Variants in ARFGAP3 observed in about 807,000 individuals in gnomAD.
The protein encoded by ARFGAP3 is ADP-ribosylation factor GTPase-activating protein 3.
In ARFGAP3, 72 loss-of-function variants were observed where a neutral mutation model predicts 75.0. That is an observed-to-expected ratio of 0.96 (90% CI 0.79 to 1.17). The LOEUF (loss-of-function observed/expected upper bound fraction) is 1.17. Ranked by LOEUF, ARFGAP3 falls within the 50% of genes most tolerant of loss-of-function variation. ARFGAP3 has a pLI of 0.00. For synonymous variants in ARFGAP3, 221 were observed against 217.9 expected (o/e 1.01, Z -0.13); for missense variants, 620 against 626.6 (o/e 0.99, Z 0.11).
chr22:42,812,619 G>A (rs376365774), intron 11 of ARFGAP3, among the ~76,000 whole-genome samples: 1 of 152,168 alleles, frequency 6.6e-6, no homozygotes, highest in Non-Finnish European at 1.5e-5. Flanking sequence ...AGATCTGGGT[G>A]GGGGAAATGC....
chr22:42,845,637 A>G (rs910224719), intron 2 of ARFGAP3, among the ~76,000 whole-genome samples: 2 of 152,172 alleles, frequency 1.3e-5, no homozygotes, highest in African/African-American at 4.8e-5. Flanking sequence ...AGGTATCCGC[A>G]TACAAAAGAA....
intron 1 of ARFGAP3, among the ~76,000 whole-genome samples, chr22:42,851,455 GA>G (rs1024106362): frequency 1.4e-4 from 22 of 152,210 alleles, no homozygotes; most frequent in South Asian, 8.3e-4. Context: ...GTAGCCCCAT[GA>G]GGGGGGGGCC....
intron 2 of ARFGAP3, among the ~76,000 whole-genome samples, chr22:42,844,595 A>T (rs1411687567): frequency 1.0e-5 from 1 of 98,948 alleles, no homozygotes; most frequent in Non-Finnish European, 1.9e-5. Context: ...AAAGGAAAAA[A>T]AAAAAAAAAA....
intron 11 of ARFGAP3, among the ~76,000 whole-genome samples, chr22:42,812,553 A>G (rs897806583): frequency 1.3e-5 from 2 of 152,194 alleles, no homozygotes. Flanking sequence ...AAAGGCCAAT[A>G]TAAGAGGGAA....
At position 42,831,640 on chromosome 22, in the gene ARFGAP3, A is replaced by C. The variant is rs1379619846; in HGVS notation, c.478-4T>G. 11 of 1,613,986 alleles carry C rather than the reference A, an allele frequency of 6.8e-6. No individual in the cohort carries two copies. Among genetic ancestry groups the C allele is most frequent in the Middle Eastern group, 1.6e-4 (1 of 6,084 alleles). On this transcript the variant is annotated splice_polypyrimidine_tract_variant and splice_region_variant and intron_variant, in intron 5 of 15. Transcript: ENST00000263245. ...ATGCCCACGCTGTGTCACTCACCTG[A>C]AACAAGGCGAGAAAAGTCATTAGCA...
intron 9 of ARFGAP3, among the ~76,000 whole-genome samples, chr22:42,820,178 G>A (rs1925749811): frequency 6.6e-6 from 1 of 152,184 alleles, no homozygotes; most frequent in African/African-American, 2.4e-5. Context: ...TCAAGCATGA[G>A]TAATCTGGAC....
intron 1 of ARFGAP3, among the ~76,000 whole-genome samples, chr22:42,850,908 CT>C (rs1182322189): frequency 6.6e-6 from 1 of 152,200 alleles, no homozygotes; most frequent in East Asian, 1.9e-4. Context: ...TAGCTGAACG[CT>C]TATTGGTGCT....
At chr22:42,827,052 C>G (rs1251549750) in intron 6 of ARFGAP3, 53 bp from the exon 7 acceptor site, 1 of 1,600,544 alleles carries the variant, frequency 6.2e-7, no homozygotes, top group Non-Finnish European at 8.5e-7. Context: ...AGCTAACTTG[C>G]TTTTGAATAT....
intron 3 of ARFGAP3, among the ~76,000 whole-genome samples, chr22:42,838,399 GTGATCCTCCCACCTCAGCCTCC>G (rs1243467450): frequency 6.6e-6 from 1 of 151,070 alleles, no homozygotes; most frequent in East Asian, 2.0e-4. Flanking sequence ...CTGGGCTCAA[GTGATCCTCCCACCTCAGCCTCC>G]TGAGTAGCTG....
chr22:42,802,521 C>T (rs1252009667), intron 14 of ARFGAP3, among the ~76,000 whole-genome samples: 2 of 151,414 alleles, frequency 1.3e-5, no homozygotes, highest in Non-Finnish European at 2.9e-5. Flanking sequence ...TCTCAATCTC[C>T]TGACCTTGTG....
chr22:42,842,339 G>A (rs1174173796), intron 2 of ARFGAP3, among the ~76,000 whole-genome samples: 1 of 139,522 alleles, frequency 7.2e-6, no homozygotes, highest in African/African-American at 2.7e-5. Context: ...ATAGAGATAG[G>A]GTCTTGTTAT....
rs113064321 is a variant in ARFGAP3, at chr22:42,840,598, A to AT, written c.261+345dup. Among the ~76,000 whole-genome samples the AT allele has an allele frequency of 7.8e-3, 1,142 of 147,096 alleles. 19 individuals are homozygous for AT. Among genetic ancestry groups the AT allele is most frequent in the African/African-American group, 0.027 (1,093 of 39,962 alleles). On this transcript the variant is annotated intron_variant, in intron 3 of 15. Transcript: ENST00000263245. ...TACCCAGCTAATTTTTGTTATTATT[A>AT]TTTTTTTTTTAGTAGAGATGGGGTT...
chr22:42,841,132 G>C (rs1926763338), intron 2 of ARFGAP3, 116 bp from the exon 3 acceptor site: 12 of 1,467,800 alleles, frequency 8.2e-6, no homozygotes, highest in Non-Finnish European at 9.9e-6. Flanking sequence ...TTCTAAGTTT[G>C]TGTCAACAAG....
chr22:42,854,549 T>A (rs903887186), intron 1 of ARFGAP3, among the ~76,000 whole-genome samples: 1 of 151,686 alleles, frequency 6.6e-6, no homozygotes, highest in African/African-American at 2.4e-5. Context: ...CGCTTGAACC[T>A]GGGAGGAGGA....
intron 14 of ARFGAP3, among the ~76,000 whole-genome samples, chr22:42,806,068 G>A (rs558189632): frequency 1.3e-5 from 2 of 152,352 alleles, no homozygotes; most frequent in African/African-American, 4.8e-5. Flanking sequence ...CTCTGTGGCT[G>A]TAAGGCCAAG....
At chr22:42,842,968 C>T (rs899500811) in intron 2 of ARFGAP3, among the ~76,000 whole-genome samples, 1 of 152,050 alleles carries the variant, frequency 6.6e-6, no homozygotes, top group Non-Finnish European at 1.5e-5. Context: ...CTGCCAACAC[C>T]CTGTACGGCA....
chr22:42,808,709 A>C (rs1177331962), intron 13 of ARFGAP3, 58 bp downstream of exon 13: 4 of 1,424,380 alleles, frequency 2.8e-6, no homozygotes, highest in African/African-American at 2.8e-5. Context: ...GACAATGCCC[A>C]CACCCACACT....
At chr22:42,847,222 C>A in intron 2 of ARFGAP3, 1 of 246,910 alleles carries the variant, frequency 4.1e-6, no homozygotes, top group South Asian at 6.4e-5. Flanking sequence ...GGCTGGAATG[C>A]AGCGGCAAGA....
chr22:42,801,552 C>G (rs147326246), intron 14 of ARFGAP3, among the ~76,000 whole-genome samples: 16 of 152,368 alleles, frequency 1.1e-4, no homozygotes, highest in African/African-American at 3.6e-4. Flanking sequence ...ATGCGCACAG[C>G]TCTTAAGGCT....
Sources: gnomAD v4.1 joint callset for allele counts (sites outside exome capture counted in the v4.1 genomes callset) on GRCh38, gnomAD v4.1.1 for gene constraint, MANE v1.5 for transcripts, NCBI Gene and HGNC (gene_info 2026-07-23, HGNC 2026-07-21) for gene names.